COA1: variants seen among roughly 807,000 people sequenced by gnomAD.
COA1 encodes cytochrome c oxidase assembly factor 1.
A neutral mutation model predicts 16.0 loss-of-function variants in COA1; 13 were observed. The ratio of observed to expected loss-of-function variants is 0.81; its 90% CI spans 0.53 to 1.29. The LOEUF (loss-of-function observed/expected upper bound fraction) is 1.29. Ranked by LOEUF, COA1 falls within the 50% of genes most tolerant of loss-of-function variation. The pLI, the probability that COA1 is intolerant of heterozygous loss-of-function variation, is 0.00. For synonymous variants in COA1, 65 were observed against 65.7 expected (o/e 0.99, Z 0.05); for missense variants, 179 against 177.0 (o/e 1.01, Z -0.06).
intron 1 of COA1, among the ~76,000 whole-genome samples, chr7:43,679,438 G>A (rs1422522556): frequency 6.6e-6 from 1 of 151,990 alleles, no homozygotes; most frequent in Non-Finnish European, 1.5e-5. Flanking sequence ...GATTCTCAGG[G>A]TGACCAAGAT....
chr7:43,634,245 A>G (rs2085502080), intron 6 of COA1, among the ~76,000 whole-genome samples: 1 of 152,170 alleles, frequency 6.6e-6, no homozygotes, highest in Non-Finnish European at 1.5e-5. Context: ...TTCTTGGCAT[A>G]AGAGCATGGC....
chr7:43,631,894 A>G (rs2085209162), intron 6 of COA1: 2 of 152,266 alleles, frequency 1.3e-5, no homozygotes, highest in South Asian at 4.1e-4. Context: ...GTTATGCCTA[A>G]AAATAATGTA....
chr7:43,715,672 A>C (rs866701208), intron 1 of COA1, among the ~76,000 whole-genome samples: 1 of 152,102 alleles, frequency 6.6e-6, no homozygotes, highest in South Asian at 2.1e-4. Context: ...TCCTCTCCTA[A>C]AGTATTTACA....
intron 1 of COA1, among the ~76,000 whole-genome samples, chr7:43,664,633 G>C (rs1309200322): frequency 6.6e-6 from 1 of 152,172 alleles, no homozygotes; most frequent in Non-Finnish European, 1.5e-5. Flanking sequence ...TGTAATGCCA[G>C]CTATTTGGGA....
chr7:43,691,072 A>AAAAAAC (rs1554541689), intron 1 of COA1, among the ~76,000 whole-genome samples: 9,497 of 102,848 alleles, frequency 0.092, 86 homozygotes, highest in African/African-American at 0.16. Flanking sequence ...AAAAAAAAAA[A>AAAAAAC]AAAAACAAAA....
At chr7:43,726,480 A>G (rs184112210) in intron 1 of COA1, among the ~76,000 whole-genome samples, 44 of 152,378 alleles carry the variant, frequency 2.9e-4, no homozygotes, top group Non-Finnish European at 4.4e-5. Context: ...TATCTGCCAC[A>G]TATCTAACAG....
At chr7:43,611,052 G>A (rs781351901) in intron 6 of COA1, among the ~76,000 whole-genome samples, 4 of 152,154 alleles carry the variant, frequency 2.6e-5, no homozygotes, top group African/African-American at 9.7e-5. Context: ...GGGAGGTGAC[G>A]GTTGCAGTGA....
intron 1 of COA1, among the ~76,000 whole-genome samples, chr7:43,728,792 G>A (rs1468523113): frequency 6.6e-6 from 1 of 152,194 alleles, no homozygotes; most frequent in Non-Finnish European, 1.5e-5. Flanking sequence ...GGAGAATGGG[G>A]AGGAATCAGG....
chr7:43,639,463 T>G lies in COA1; in HGVS notation c.*119A>C. 1.3e-6 allele frequency: 1 copy of G among 741,770 alleles called. No individual in the cohort carries two copies. Among genetic ancestry groups the G allele is most frequent in the East Asian group, 2.5e-5 (1 of 39,556 alleles). The allele number at this position is 741,770 out of a possible 1,614,324, so 45.9% of individuals were successfully genotyped here. A position where few individuals can be genotyped will look rare whatever the true frequency, so the allele number is the denominator to read the frequency against. On this transcript the variant is annotated 3_prime_UTR_variant, in exon 6 of 6. Transcript: ENST00000223336. ...CTGGCACATACCATCATCCCACTGGTGGCTGGAAAACTGGGTTGCAGGAGT... is the reference window on the plus strand; with the variant it reads ...CTGGCACATACCATCATCCCACTGGGGGCTGGAAAACTGGGTTGCAGGAGT...
At chr7:43,665,239 A>G (rs77919222) in intron 1 of COA1, among the ~76,000 whole-genome samples, 3,412 of 152,304 alleles carry the variant, frequency 0.022, 109 homozygotes, top group African/African-American at 0.076. Flanking sequence ...TGAGCTTTCA[A>G]TCTAAATCTG....
intron 6 of COA1, among the ~76,000 whole-genome samples, chr7:43,612,116 C>T (rs560867047): frequency 1.3e-5 from 2 of 152,314 alleles, no homozygotes; most frequent in East Asian, 3.9e-4. Context: ...AGAATTCTTT[C>T]CAGATTCAGT....
chr7:43,638,566 C>CTTTTTT (rs746584234), downstream of COA1, among the ~76,000 whole-genome samples: 83 of 97,374 alleles, frequency 8.5e-4, no homozygotes, highest in East Asian at 1.3e-3. Flanking sequence ...TTTTTCTTTC[C>CTTTTTT]TTTTTTTTTT....
intron 1 of COA1, among the ~76,000 whole-genome samples, chr7:43,697,486 A>G (rs1195436976): frequency 6.6e-6 from 1 of 151,998 alleles, no homozygotes; most frequent in Non-Finnish European, 1.5e-5. Context: ...GGGTTTCATC[A>G]TGTTGGCCAG....
chr7:43,624,054 C>A (rs2084219196), intron 6 of COA1, among the ~76,000 whole-genome samples: 1 of 151,870 alleles, frequency 6.6e-6, no homozygotes, highest in South Asian at 2.1e-4. Flanking sequence ...TAGGTGAAAC[C>A]CTTGGCTTAA....
rs754169504 is a variant in COA1 at position 43,647,547 on chromosome 7, A to G, written c.103T>C (p.Tyr35His). Residue 35 changes from tyrosine (Y) to histidine (H), a missense_variant, in exon 3 of 6, where the codon TAC (tyrosine) becomes CAC (histidine). Transcript: ENST00000223336. ...GCAGGATACTTACTTTGAATGAGGTAATACACAATGGCAAAGCCCCCGGCA... is the reference window on the plus strand; with the variant it reads ...GCAGGATACTTACTTTGAATGAGGTGATACACAATGGCAAAGCCCCCGGCA... ...FYAGGFAIVY[Y>H]LIQKFHSRAL... 3.7e-6 allele frequency: 6 copies of G among 1,612,784 alleles called. No homozygotes were observed. The highest frequency in any genetic ancestry group is 5.1e-6 in the Non-Finnish European group (6 of 1,178,828).
intron 6 of COA1, among the ~76,000 whole-genome samples, chr7:43,609,792 A>AC (rs1182964849): frequency 6.6e-6 from 1 of 152,160 alleles, no homozygotes; most frequent in Non-Finnish European, 1.5e-5. Flanking sequence ...CCTCTGGACC[A>AC]CCCCCAAAAA....
At chr7:43,639,060 G>GTGA (rs929964667), downstream of COA1, 2 of 152,332 alleles carry the variant, frequency 1.3e-5, no homozygotes, top group African/African-American at 4.8e-5. Context: ...ATATTCCAAA[G>GTGA]TGATAGAGAA....
intron 6 of COA1, among the ~76,000 whole-genome samples, chr7:43,612,336 C>T (rs555468083): frequency 6.6e-6 from 1 of 152,256 alleles, no homozygotes; most frequent in South Asian, 2.1e-4. Flanking sequence ...ACCATGCATG[C>T]GGGAGTGATT....
At chr7:43,703,578 C>G (rs992945956) in intron 1 of COA1, among the ~76,000 whole-genome samples, 28 of 152,052 alleles carry the variant, frequency 1.8e-4, no homozygotes, top group African/African-American at 6.5e-4. Context: ...TTTTATCATC[C>G]ACTATGTAAT....
Sources: gnomAD v4.1 joint callset for allele counts (sites outside exome capture counted in the v4.1 genomes callset) on GRCh38, gnomAD v4.1.1 for gene constraint, MANE v1.5 for transcripts, NCBI Gene and HGNC (gene_info 2026-07-23, HGNC 2026-07-21) for gene names.